The following TRMO variants were observed in gnomAD, a reference collection of about 807,000 sequenced individuals.
The protein encoded by TRMO is tRNA (adenine(37)-N6)-methyltransferase.
TRMO carries 30 observed loss-of-function variants against 37.2 expected under a neutral mutation model. The ratio of observed to expected loss-of-function variants is 0.81; its 90% CI spans 0.60 to 1.09. The LOEUF is 1.09. Ranked by LOEUF, TRMO falls within the 50% of genes least tolerant of loss-of-function variation. The probability of loss-of-function intolerance (pLI) is 0.00; values close to 1 mark genes in which losing one functional copy is unlikely to be tolerated. For synonymous variants in TRMO, 239 were observed against 199.4 expected, an observed-to-expected ratio of 1.20 and a Z score of -1.67; for missense variants, 552 against 549.5, an observed-to-expected ratio of 1.00 and a Z score of -0.05.
At chr9:97,908,372 A>C (rs1310715335) in intron 4 of TRMO, among the ~76,000 whole-genome samples, 1 of 147,606 alleles carries the variant, frequency 6.8e-6, no homozygotes, top group Non-Finnish European at 1.5e-5. Context: ...AGATCGAGCC[A>C]TTGCACTCCA....
chr9:97,916,645 A>G (rs1339497169), intron 1 of TRMO, among the ~76,000 whole-genome samples: 2 of 151,848 alleles, frequency 1.3e-5, no homozygotes, highest in Non-Finnish European at 2.9e-5. Context: ...CATAATTAAA[A>G]TTCTATGCTA....
At chr9:97,900,137 T>G (rs1252803423), downstream of TRMO, among the ~76,000 whole-genome samples, 1 of 152,200 alleles carries the variant, frequency 6.6e-6, no homozygotes, top group Non-Finnish European at 1.5e-5. Context: ...GAAGTCTGCT[T>G]ATCTAGCCAG....
intron 4 of TRMO, among the ~76,000 whole-genome samples, chr9:97,908,993 C>CA: frequency 6.6e-6 from 1 of 152,286 alleles, no homozygotes; most frequent in East Asian, 1.9e-4. Flanking sequence ...CTCACTCTGT[C>CA]ACCCAGGCTG....
chr9:97,901,657 AG>A (rs1831172235), downstream of TRMO, among the ~76,000 whole-genome samples: 1 of 151,972 alleles, frequency 6.6e-6, no homozygotes, highest in South Asian at 2.1e-4. Context: ...GGAAGGTTTG[AG>A]GGAACTTTTA....
intron 2 of TRMO, among the ~76,000 whole-genome samples, chr9:97,914,634 G>GTATATTACAAAATATACATCTA (rs1453506342): frequency 2.6e-5 from 4 of 151,774 alleles, no homozygotes; most frequent in African/African-American, 9.7e-5. Flanking sequence ...ACAAGAGTGT[G>GTATATTACAAAATATACATCTA]TATATTACAA....
chr9:97,918,248 A>C (rs1057121938), intron 1 of TRMO, among the ~76,000 whole-genome samples: 10 of 151,252 alleles, frequency 6.6e-5, no homozygotes, highest in Admixed American at 2.0e-4. Context: ...ATAATTAGCC[A>C]GGCATGGTGG....
At chr9:97,919,143 A>C (rs1167386198) in intron 1 of TRMO, among the ~76,000 whole-genome samples, 1 of 152,092 alleles carries the variant, frequency 6.6e-6, no homozygotes, top group East Asian at 1.9e-4. Flanking sequence ...ATCCTCATCC[A>C]TGCTTCTATG....
At chr9:97,911,307 G>A (rs929324702) in intron 3 of TRMO, 3 of 158,714 alleles carry the variant, frequency 1.9e-5, no homozygotes, top group African/African-American at 7.2e-5. Flanking sequence ...TGCTGAAGTA[G>A]GCAGGCGTGC....
Position 97,905,456 on chromosome 9 carries a change from G to C in TRMO, c.1067-464C>G, listed in dbSNP as rs377003375. Among the ~76,000 whole-genome samples the C allele has an allele frequency of 2.0e-4, 31 of 152,264 alleles. 1 individual carries two copies. The highest frequency in any genetic ancestry group is 7.5e-4 in the African/African-American group (31 of 41,556). On this transcript the variant is annotated intron_variant, in intron 4 of 4. Transcript: ENST00000375119. ...CCCAGAACACCAGCTACAGGCGAGA[G>C]AGGCTGCACCAGAAAGCTAGTATCA...
downstream of TRMO, among the ~76,000 whole-genome samples, chr9:97,903,367 C>T (rs1825726409): frequency 6.6e-6 from 1 of 152,222 alleles, no homozygotes; most frequent in African/African-American, 2.4e-5. Context: ...TTTAGGAGTA[C>T]AGTGTCATCA....
chr9:97,915,158 G>A (rs944399474), intron 2 of TRMO, among the ~76,000 whole-genome samples: 1 of 152,212 alleles, frequency 6.6e-6, no homozygotes, highest in Non-Finnish European at 1.5e-5. Flanking sequence ...GGGTGAGGAA[G>A]AATGAACACG....
At chr9:97,913,036 A>G in intron 3 of TRMO, 1 of 717,418 alleles carries the variant, frequency 1.4e-6, no homozygotes, top group Admixed American at 2.4e-5. Flanking sequence ...ATGTACAATG[A>G]GTTATTGTGT....
At chr9:97,903,736 T>C (rs540553530), downstream of TRMO, among the ~76,000 whole-genome samples, 48 of 152,318 alleles carry the variant, frequency 3.2e-4, no homozygotes, top group Non-Finnish European at 6.0e-4. Context: ...TGTCATCTTA[T>C]TTTATCACCA....
intron 4 of TRMO, among the ~76,000 whole-genome samples, chr9:97,909,755 A>C (rs930984104): frequency 3.3e-5 from 5 of 152,236 alleles, no homozygotes; most frequent in African/African-American, 1.2e-4. Flanking sequence ...CTTTACTGAC[A>C]GCCTGGAACT....
At chr9:97,902,310 G>GT (rs1394483258), downstream of TRMO, among the ~76,000 whole-genome samples, 3 of 151,858 alleles carry the variant, frequency 2.0e-5, no homozygotes, top group East Asian at 1.9e-4. Flanking sequence ...ATTTTTGTGG[G>GT]TTTTTTTTGA....
chr9:97,907,177 G>C (rs549267747), intron 4 of TRMO, among the ~76,000 whole-genome samples: 1 of 152,234 alleles, frequency 6.6e-6, no homozygotes, highest in Admixed American at 6.5e-5. Flanking sequence ...AGACTGCCGT[G>C]TCCAGAAGTG....
At chr9:97,903,088 G>A (rs1316129976), downstream of TRMO, among the ~76,000 whole-genome samples, 7 of 152,054 alleles carry the variant, frequency 4.6e-5, no homozygotes, top group East Asian at 9.6e-4. Flanking sequence ...GCAATGAGGC[G>A]AGACCCTTGT....
intron 4 of TRMO, among the ~76,000 whole-genome samples, chr9:97,908,215 A>C (rs1825943395): frequency 6.6e-6 from 1 of 152,152 alleles, no homozygotes; most frequent in Non-Finnish European, 1.5e-5. Flanking sequence ...GATCGAGACC[A>C]TCCTGCCTAA....
At chr9:97,908,745 T>C (rs1181413576) in intron 4 of TRMO, among the ~76,000 whole-genome samples, 2 of 152,214 alleles carry the variant, frequency 1.3e-5, no homozygotes, top group East Asian at 1.9e-4. Context: ...TCCTCCCCAT[T>C]AGAATGCAAG....
Sources: allele counts gnomAD v4.1 joint callset (sites outside exome capture counted in the v4.1 genomes callset), GRCh38; gene constraint gnomAD v4.1.1; transcripts MANE v1.5; gene names NCBI Gene and HGNC (gene_info 2026-07-23, HGNC 2026-07-21).